HRH1: variants seen among roughly 807,000 people sequenced by gnomAD.
The protein encoded by HRH1 is histamine H1 receptor.
A neutral mutation model predicts 10.3 loss-of-function variants in HRH1; 6 were observed. The ratio of observed to expected loss-of-function variants is 0.58; its 90% CI spans 0.32 to 1.15. The LOEUF (loss-of-function observed/expected upper bound fraction) is 1.15, where lower values mean the gene tolerates loss of function less well. Ranked by LOEUF, HRH1 falls within the 50% of genes most tolerant of loss-of-function variation. HRH1 has a pLI of 0.05. For synonymous variants in HRH1, 242 were observed against 236.7 expected, an observed-to-expected ratio of 1.02 and a Z score of -0.21; for missense variants, 514 against 615.3, an observed-to-expected ratio of 0.84 and a Z score of 1.74.
chr3:11,177,684 T>A (rs1937273383), intron 1 of HRH1, among the ~76,000 whole-genome samples: 1 of 152,158 alleles, frequency 6.6e-6, no homozygotes, highest in Non-Finnish European at 1.5e-5. Context: ...CCCCTTTCCC[T>A]CCAGTGCCCA....
At chr3:11,245,831 G>A (rs1413651699) in intron 1 of HRH1, among the ~76,000 whole-genome samples, 2 of 152,020 alleles carry the variant, frequency 1.3e-5, no homozygotes, top group Non-Finnish European at 2.9e-5. Flanking sequence ...AGGCAGGAGG[G>A]CTTACTAGTC....
At chr3:11,234,622 TG>T in intron 1 of HRH1, 1 of 1,408,764 alleles carries the variant, frequency 7.1e-7, no homozygotes, top group Non-Finnish European at 1.0e-6. Flanking sequence ...TGGAGTTTCA[TG>T]GTCTTCTTTG....
At position 11,221,265 on chromosome 3, in the gene HRH1, AC is replaced by A. The variant is rs1326555114; in HGVS notation, c.-35-37737del. ...TTTTAATTGTGGTAAAATATCTGTA[AC>A]ACGGGGCCAGGTGCAGTGGCTCATG... On this transcript the variant is annotated intron_variant, in intron 1 of 1. Coordinates refer to ENST00000431010, the MANE Select transcript of HRH1 (RefSeq NM_001098212.2). 2.0e-5 allele frequency among the ~76,000 whole-genome samples: 3 copies of A among 152,208 alleles called. No individual in the cohort carries two copies. In the East Asian group the frequency reaches 5.8e-4, roughly 29 times the overall value.
At position 11,260,144 on chromosome 3, in the gene HRH1, A is replaced by G. The variant is rs1256563571; in HGVS notation, c.1107A>G (p.Thr369=). The G allele has an allele frequency of 4.3e-6, 7 of 1,614,120 alleles. No homozygotes were observed. Among genetic ancestry groups the G allele is most frequent in the South Asian group, 1.1e-5 (1 of 91,072 alleles). The change falls in exon 2 of 2, where the codon ACA becomes ACG. Residue 369 remains threonine (T), a synonymous_variant. Transcript: ENST00000431010. ...SRTDSDTTTE[T]APGKGKLRSG... is the part of the protein sequence containing the mutation. ...CGGACTCAGATACCACCACAGAGAC[A>G]GCACCAGGCAAAGGCAAATTGAGGA...
At position 11,217,212 on chromosome 3, in the gene HRH1, AC is replaced by A. The variant is rs547736118; in HGVS notation, c.-35-41789del. On this transcript the variant is annotated intron_variant, in intron 1 of 1. Coordinates refer to ENST00000431010, the MANE Select transcript of HRH1 (RefSeq NM_001098212.2). ...AAAAACAAACACACAAACAAACAAA[AC>A]CAAAAAAAAAAAAACAGAAAGAAAA... Among the ~76,000 whole-genome samples the A allele has an allele frequency of 1.9e-4, 25 of 128,240 alleles. No individual in the cohort carries two copies. In the South Asian group the frequency reaches 5.1e-3, roughly 26 times the overall value. 84.1% of individuals were successfully genotyped at this position (128,240 alleles called of 152,430 possible). A position where few individuals can be genotyped will look rare whatever the true frequency, so the allele number is the denominator to read the frequency against.
At chr3:11,217,775 T>G (rs1030945368) in intron 1 of HRH1, among the ~76,000 whole-genome samples, 6 of 152,192 alleles carry the variant, frequency 3.9e-5, no homozygotes, top group African/African-American at 1.4e-4. Flanking sequence ...GGAATAGATA[T>G]AGGTATTAAG....
chr3:11,194,512 A>C (rs923795323), intron 1 of HRH1, among the ~76,000 whole-genome samples: 7 of 152,170 alleles, frequency 4.6e-5, no homozygotes, highest in Non-Finnish European at 1.0e-4. Context: ...CAACTGTACT[A>C]TTATTTACTT....
chr3:11,184,475 T>G (rs1937414369), intron 1 of HRH1, among the ~76,000 whole-genome samples: 1 of 152,100 alleles, frequency 6.6e-6, no homozygotes, highest in Admixed American at 6.6e-5. Context: ...CAGCCTACCC[T>G]CTTTTGTGTC....
At position 11,259,644 on chromosome 3, in the gene HRH1, A is replaced by T. The variant is rs1347473828; in HGVS notation, c.607A>T (p.Thr203Ser). 1 of 1,613,768 alleles carries T rather than the reference A, an allele frequency of 6.2e-7. No individual in the cohort carries two copies. ...TGCCATCATCAACTTCTACCTGCCC[A>T]CCTTGCTCATGCTCTGGTTCTATGC... is the stretch of plus-strand genomic sequence containing the variant. ...MTAIINFYLP[T>S]LLMLWFYAKI... The change falls in exon 2 of 2, where the codon ACC (threonine) becomes TCC (serine). Residue 203 changes from threonine (T) to serine (S), a missense_variant. Thr to Ser is a moderately conservative substitution (Grantham distance 58). Coordinates refer to ENST00000431010, the MANE Select transcript of HRH1 (RefSeq NM_001098212.2). The surrounding 1 kb of genome is among the most constrained non-coding windows in gnomAD (Gnocchi z 4.6).
intron 1 of HRH1, among the ~76,000 whole-genome samples, chr3:11,172,993 G>A (rs570609944): frequency 2.6e-4 from 39 of 152,194 alleles, no homozygotes; most frequent in African/African-American, 8.9e-4. Context: ...CACCGCGCCC[G>A]GCCAGCTTTT....
chr3:11,223,612 G>A (rs1304983085), intron 1 of HRH1, among the ~76,000 whole-genome samples: 1 of 152,224 alleles, frequency 6.6e-6, no homozygotes, highest in Non-Finnish European at 1.5e-5. Flanking sequence ...GGGAGTGTGG[G>A]GCAAAGAGGG....
At chr3:11,151,447 T>C (rs554185620), upstream of HRH1, among the ~76,000 whole-genome samples, 1 of 152,174 alleles carries the variant, frequency 6.6e-6, no homozygotes, top group Non-Finnish European at 1.5e-5. Context: ...CCATTTATAA[T>C]TGGGTTTAAG....
intron 1 of HRH1, among the ~76,000 whole-genome samples, chr3:11,249,420 AAAAAG>A (rs1183524120): frequency 1.3e-5 from 2 of 151,216 alleles, no homozygotes; most frequent in African/African-American, 4.9e-5. Context: ...AAAAAAAAAA[AAAAAG>A]AGGATTTAGG....
intron 1 of HRH1, among the ~76,000 whole-genome samples, chr3:11,221,970 C>A (rs564219698): frequency 3.3e-5 from 5 of 152,310 alleles, no homozygotes; most frequent in African/African-American, 9.6e-5. Context: ...TATGTGAGGA[C>A]CACATTCTGT....
chr3:11,150,374 C>A (rs1372848195), upstream of HRH1, among the ~76,000 whole-genome samples: 2 of 152,262 alleles, frequency 1.3e-5, no homozygotes, highest in Non-Finnish European at 2.9e-5. Context: ...ATCCTGCCCA[C>A]TTGGGGCGGC....
intron 1 of HRH1, among the ~76,000 whole-genome samples, chr3:11,144,423 A>G (rs1453333983): frequency 6.6e-6 from 1 of 150,542 alleles, no homozygotes; most frequent in Non-Finnish European, 1.5e-5. Context: ...CTATAGGTAT[A>G]TATACATATA....
intron 1 of HRH1, among the ~76,000 whole-genome samples, chr3:11,148,467 C>G (rs1936513490): frequency 6.6e-6 from 1 of 152,044 alleles, no homozygotes; most frequent in African/African-American, 2.4e-5. Context: ...AATAGACAAC[C>G]CAGGGCTAAT....
At chr3:11,156,090 A>G (rs36086403) in intron 1 of HRH1, among the ~76,000 whole-genome samples, 1 of 152,098 alleles carries the variant, frequency 6.6e-6, no homozygotes. Context: ...GCAAAGGATG[A>G]ATAGAGGAAA....
intron 1 of HRH1, among the ~76,000 whole-genome samples, chr3:11,218,410 C>T (rs1301649549): frequency 2.0e-5 from 3 of 148,008 alleles, no homozygotes; most frequent in Non-Finnish European, 3.0e-5. Flanking sequence ...ATTGTGCTAC[C>T]GCACTCCAAC....
Sources: allele counts gnomAD v4.1 joint callset (sites outside exome capture counted in the v4.1 genomes callset), GRCh38; gene constraint gnomAD v4.1.1; non-coding constraint Gnocchi (gnomAD v3.1); transcripts MANE v1.5; gene names NCBI Gene and HGNC (gene_info 2026-07-23, HGNC 2026-07-21).